ESRRG: variants seen among roughly 807,000 people sequenced by gnomAD.
ESRRG encodes the protein estrogen-related receptor gamma.
A neutral mutation model predicts 44.0 loss-of-function variants in ESRRG; 13 were observed. The observed-to-expected ratio is 0.30, with a 90% CI of 0.19 to 0.47. ESRRG has a LOEUF of 0.47. ESRRG is among the 20% of genes least tolerant of loss of function. ESRRG has a pLI of 1.00. For missense variants in ESRRG, 395 were observed against 580.6 expected (o/e 0.68, Z 3.29); for synonymous variants, 215 against 214.6 (o/e 1.00, Z -0.02).
At chr1:216,830,238 C>A (rs1369140063) in intron 2 of ESRRG, among the ~76,000 whole-genome samples, 1 of 152,166 alleles carries the variant, frequency 6.6e-6, no homozygotes. Context: ...ACAAATACGA[C>A]TCAGCCAAAT....
At chr1:216,914,247 A>G (rs2060850310) in intron 2 of ESRRG, among the ~76,000 whole-genome samples, 1 of 152,160 alleles carries the variant, frequency 6.6e-6, no homozygotes, top group African/African-American at 2.4e-5. Flanking sequence ...ATAAACAAAT[A>G]TTTGTAATGT....
chr1:216,771,099 C>G (rs2093360530), intron 2 of ESRRG, among the ~76,000 whole-genome samples: 2 of 152,194 alleles, frequency 1.3e-5, no homozygotes, highest in African/African-American at 4.8e-5. Context: ...TCCAGCCTCC[C>G]AAGTAGCCAG....
intron 1 of ESRRG, among the ~76,000 whole-genome samples, chr1:216,716,922 TTAAC>T (rs1468442654): frequency 1.3e-5 from 2 of 151,870 alleles, no homozygotes; most frequent in African/African-American, 2.4e-5. Flanking sequence ...GAAATGGACT[TTAAC>T]TGACCAGAAG....
intron 1 of ESRRG, among the ~76,000 whole-genome samples, chr1:217,038,300 A>T (rs926873002): frequency 2.0e-5 from 3 of 152,180 alleles, no homozygotes; most frequent in Non-Finnish European, 4.4e-5. Flanking sequence ...CATACCTCCT[A>T]TGAAATCTAG....
rs140746214 is a variant in ESRRG at position 216,828,653 on chromosome 1, C to T, written c.-14+110929G>A. Among the ~76,000 whole-genome samples the T allele has an allele frequency of 2.6e-4, 40 of 152,222 alleles. No homozygotes were observed. The East Asian group carries it at 2.9e-3, about 11-fold the overall frequency. ...TTGTATTTTCTACAAGTAGAAAACT[C>T]GGGCACAGGGAATAAACCCCCAAAG... On this transcript the variant is annotated intron_variant, in intron 2 of 7. Coordinates refer to the ESRRG transcript ENST00000359162.
At position 216,677,167 on chromosome 1, in the gene ESRRG, C is replaced by G; in HGVS notation, c.381G>C (p.Leu127=). ...AAGCGATGTCACCACACACTAAACA[C>G]AGTCTCTTGGGCATCGAGTTGAGCA... ...EYMLNSMPKR[L]CLVCGDIASG... The change falls in exon 2 of 7, where the codon CTG becomes CTC. Residue 127 remains leucine (L), a synonymous_variant. Coordinates refer to ENST00000408911, the MANE Select transcript of ESRRG (RefSeq NM_001438.4). 1 of 1,614,172 alleles carries G rather than the reference C, an allele frequency of 6.2e-7. No individual in the cohort carries two copies. The highest frequency in any genetic ancestry group is 8.5e-7 in the Non-Finnish European group (1 of 1,180,002).
intron 5 of ESRRG, among the ~76,000 whole-genome samples, chr1:216,558,372 A>G (rs1475958974): frequency 6.6e-6 from 1 of 152,192 alleles, no homozygotes; most frequent in Non-Finnish European, 1.5e-5. Context: ...TTTAGACGCC[A>G]ATGGTCCTGC....
intron 3 of ESRRG, among the ~76,000 whole-genome samples, chr1:216,620,654 A>C (rs769825772): frequency 6.6e-6 from 1 of 152,194 alleles, no homozygotes; most frequent in Non-Finnish European, 1.5e-5. Flanking sequence ...AACAAAATGA[A>C]TAAGGGGTTT....
intron 1 of ESRRG, among the ~76,000 whole-genome samples, chr1:217,020,001 G>A (rs1229038988): frequency 6.6e-6 from 1 of 152,134 alleles, no homozygotes; most frequent in East Asian, 1.9e-4. Flanking sequence ...AAAATGACCT[G>A]AACTCTGGTA....
intron 1 of ESRRG, among the ~76,000 whole-genome samples, chr1:217,119,047 AT>A (rs1181594413): frequency 0.012 from 1,810 of 150,812 alleles, 37 homozygotes; most frequent in African/African-American, 0.042. Flanking sequence ...AGATAGATAG[AT>A]AGAGACACAG....
chr1:216,778,277 C>T (rs1422234051), intron 2 of ESRRG, among the ~76,000 whole-genome samples: 2 of 151,914 alleles, frequency 1.3e-5, no homozygotes, highest in Admixed American at 6.6e-5. Flanking sequence ...AGTTCAAATG[C>T]CTCTTCAGAG....
intron 1 of ESRRG, among the ~76,000 whole-genome samples, chr1:217,125,221 C>T (rs1023862740): frequency 2.0e-5 from 3 of 152,160 alleles, no homozygotes; most frequent in African/African-American, 4.8e-5. Flanking sequence ...CACAAGTGTA[C>T]TGGGCCTTCC....
chr1:216,912,188 G>C (rs999315770), intron 2 of ESRRG, among the ~76,000 whole-genome samples: 1 of 9,512 alleles, frequency 1.1e-4, no homozygotes, highest in Non-Finnish European at 2.1e-4. Flanking sequence ...AAGAAAAGGA[G>C]AGGAGAGGAG....
intron 1 of ESRRG, among the ~76,000 whole-genome samples, chr1:217,086,645 A>G (rs1377527076): frequency 2.6e-5 from 4 of 152,244 alleles, no homozygotes; most frequent in Non-Finnish European, 5.9e-5. Context: ...GTTGACCATT[A>G]CATAACCTAT....
intron 2 of ESRRG, among the ~76,000 whole-genome samples, chr1:216,885,176 A>T (rs560006674): frequency 4.9e-4 from 74 of 150,226 alleles, no homozygotes; most frequent in South Asian, 1.0e-3. Context: ...TGTTTGATTC[A>T]TTTAAATAAA....
chr1:216,561,558 C>G (rs534125605), intron 5 of ESRRG, among the ~76,000 whole-genome samples: 1 of 152,194 alleles, frequency 6.6e-6, no homozygotes, highest in African/African-American at 2.4e-5. Context: ...CTTTCTCCAG[C>G]CTTTACTTCC....
intron 1 of ESRRG, among the ~76,000 whole-genome samples, chr1:216,962,560 T>C (rs2069327418): frequency 2.6e-5 from 1 of 39,044 alleles, no homozygotes; most frequent in South Asian, 1.0e-3. Context: ...GTAGGAATCT[T>C]TTTTTTCTTT....
chr1:216,789,457 A>G (rs929875505), intron 2 of ESRRG, among the ~76,000 whole-genome samples: 18 of 152,170 alleles, frequency 1.2e-4, no homozygotes, highest in African/African-American at 4.3e-4. Context: ...ATGCTATTGC[A>G]GCACACTTAA....
chr1:217,013,516 C>T (rs1018649934), intron 1 of ESRRG, among the ~76,000 whole-genome samples: 1 of 152,272 alleles, frequency 6.6e-6, no homozygotes, highest in Admixed American at 6.5e-5. Context: ...GACAGACAGT[C>T]CATAATCTCT....
Sources: allele counts gnomAD v4.1 joint callset (sites outside exome capture counted in the v4.1 genomes callset), GRCh38; gene constraint gnomAD v4.1.1; transcripts MANE v1.5; gene names NCBI Gene and HGNC (gene_info 2026-07-23, HGNC 2026-07-21).